The following URM1 variants were observed in gnomAD, a reference collection of about 807,000 sequenced individuals.
URM1 encodes the protein ubiquitin related modifier 1, also known as ubiquitin-related modifier 1.
URM1 carries 11 observed loss-of-function variants against 17.7 expected under a neutral mutation model. The ratio of observed to expected loss-of-function variants is 0.62; its 90% CI spans 0.39 to 1.03. The LOEUF (loss-of-function observed/expected upper bound fraction) is 1.03. Ranked by LOEUF, URM1 falls within the 50% of genes least tolerant of loss-of-function variation. The probability of loss-of-function intolerance (pLI) is 0.00; values close to 1 mark genes in which losing one functional copy is unlikely to be tolerated. For synonymous variants in URM1, 48 were observed against 50.6 expected (o/e 0.95, Z 0.22); for missense variants, 128 against 129.2 (o/e 0.99, Z 0.04).
intron 2 of URM1, among the ~76,000 whole-genome samples, chr9:128,380,531 T>G (rs902375186): frequency 6.6e-6 from 1 of 152,184 alleles, no homozygotes; most frequent in African/African-American, 2.4e-5. Context: ...AAAGATTCAG[T>G]CTCAAAGACC....
intron 2 of URM1, among the ~76,000 whole-genome samples, chr9:128,381,089 G>A (rs1264444609): frequency 6.6e-6 from 1 of 152,108 alleles, no homozygotes; most frequent in Non-Finnish European, 1.5e-5. Flanking sequence ...CTCCCAAAGT[G>A]CTGGGATTAC....
chr9:128,388,185 C>A, intron 3 of URM1: 1 of 1,243,318 alleles, frequency 8.0e-7, no homozygotes, highest in South Asian at 2.4e-5. Context: ...TACTTCGCTT[C>A]TCTGGGCCTC....
At chr9:128,382,480 G>A (rs1270638592) in intron 2 of URM1, among the ~76,000 whole-genome samples, 2 of 152,156 alleles carry the variant, frequency 1.3e-5, no homozygotes, top group Non-Finnish European at 2.9e-5. Flanking sequence ...AATAGCAGCC[G>A]TAAGATTTCA....
At chr9:128,371,500 C>T (rs1454639651) in intron 1 of URM1, 85 bp downstream of exon 1, 10 of 1,429,602 alleles carry the variant, frequency 7.0e-6, no homozygotes, top group South Asian at 2.4e-5. Flanking sequence ...GGGCCTGACA[C>T]GGCCGAATCA....
At chr9:128,373,583 C>G (rs1252601406) in intron 1 of URM1, among the ~76,000 whole-genome samples, 1 of 152,152 alleles carries the variant, frequency 6.6e-6, no homozygotes, top group African/African-American at 2.4e-5. Flanking sequence ...CCTTTGTCTT[C>G]CCCCTGAATT....
intron 2 of URM1, among the ~76,000 whole-genome samples, chr9:128,383,309 C>T (rs1833183360): frequency 6.6e-6 from 1 of 152,176 alleles, no homozygotes; most frequent in Non-Finnish European, 1.5e-5. Flanking sequence ...CCACAAACTG[C>T]TCCATTCTTA....
chr9:128,388,954 T>C, intron 3 of URM1: 3 of 1,211,358 alleles, frequency 2.5e-6, no homozygotes, highest in Non-Finnish European at 3.1e-6. Context: ...GGTTAGACAG[T>C]ATCACTTATC....
intron 2 of URM1, among the ~76,000 whole-genome samples, chr9:128,385,940 G>A (rs1007813566): frequency 2.0e-5 from 3 of 152,178 alleles, no homozygotes; most frequent in Admixed American, 6.5e-5. Context: ...AAATGAGCCC[G>A]CACTGGGCAG....
intron 3 of URM1, chr9:128,388,736 C>T: frequency 1.0e-6 from 1 of 987,126 alleles, no homozygotes; most frequent in Non-Finnish European, 1.2e-6. Context: ...GTGAGCATTG[C>T]CATGTGGCAT....
At chr9:128,384,962 C>T (rs958899407) in intron 2 of URM1, among the ~76,000 whole-genome samples, 5 of 152,174 alleles carry the variant, frequency 3.3e-5, no homozygotes, top group African/African-American at 1.2e-4. Flanking sequence ...TAGTGCCATA[C>T]ATTTGAGCTG....
At chr9:128,373,709 C>CA (rs903019027) in intron 1 of URM1, among the ~76,000 whole-genome samples, 5 of 152,266 alleles carry the variant, frequency 3.3e-5, no homozygotes, top group African/African-American at 1.2e-4. Context: ...CTCTCCGTCC[C>CA]ACCCCTCTTC....
At chr9:128,389,644 G>GC in intron 4 of URM1, 22 bp from the exon 5 acceptor site, 1 of 1,613,146 alleles carries the variant, frequency 6.2e-7, no homozygotes, top group Non-Finnish European at 8.5e-7. Flanking sequence ...AGGGTCTCCC[G>GC]CTCCCCTCTC....
chr9:128,383,989 A>G (rs1833194600), intron 2 of URM1, among the ~76,000 whole-genome samples: 1 of 152,156 alleles, frequency 6.6e-6, no homozygotes, highest in Non-Finnish European at 1.5e-5. Context: ...TACAGCTCAG[A>G]GCAGCCATCT....
At chr9:128,379,643 CA>C (rs1275609937) in intron 2 of URM1, among the ~76,000 whole-genome samples, 2 of 151,612 alleles carry the variant, frequency 1.3e-5, no homozygotes, top group Non-Finnish European at 2.9e-5. Context: ...ACTAAAAATA[CA>C]AAAAAATTAG....
At chr9:128,381,742 G>A (rs1234099511) in intron 2 of URM1, among the ~76,000 whole-genome samples, 1 of 152,190 alleles carries the variant, frequency 6.6e-6, no homozygotes, top group Non-Finnish European at 1.5e-5. Context: ...GAAGTCAGGG[G>A]TCTCACCCCA....
At chr9:128,380,975 C>T (rs1196120754) in intron 2 of URM1, among the ~76,000 whole-genome samples, 1 of 152,142 alleles carries the variant, frequency 6.6e-6, no homozygotes, top group Non-Finnish European at 1.5e-5. Context: ...CAGGTGCCTG[C>T]CACCACGCCC....
At chr9:128,377,594 T>A (rs1195050744) in intron 1 of URM1, among the ~76,000 whole-genome samples, 1 of 152,084 alleles carries the variant, frequency 6.6e-6, no homozygotes, top group African/African-American at 2.4e-5. Flanking sequence ...CACTTGAACC[T>A]GGGAGGCGGA....
chr9:128,383,942 A>G (rs1182250929), intron 2 of URM1, among the ~76,000 whole-genome samples: 2 of 152,136 alleles, frequency 1.3e-5, no homozygotes, highest in African/African-American at 2.4e-5. Context: ...AAGGTACTGG[A>G]GCCCAGAGGA....
At chr9:128,377,867 GA>G in intron 1 of URM1, 168 bp from the exon 2 acceptor site, 1 of 662,584 alleles carries the variant, frequency 1.5e-6, no homozygotes. Context: ...CTCTAAGAAA[GA>G]AAGGGGGAGA....
Sources: gnomAD v4.1 joint callset for allele counts (sites outside exome capture counted in the v4.1 genomes callset) on GRCh38, gnomAD v4.1.1 for gene constraint, MANE v1.5 for transcripts, NCBI Gene and HGNC (gene_info 2026-07-23, HGNC 2026-07-21) for gene names.